The following AOX1 variants were observed in gnomAD, a reference collection of about 807,000 sequenced individuals.
AOX1 encodes aldehyde oxidase 1.
In AOX1, 153 loss-of-function variants were observed where a neutral mutation model predicts 169.5. The observed-to-expected ratio is 0.90, with a 90% CI of 0.79 to 1.03. The LOEUF (loss-of-function observed/expected upper bound fraction) is 1.03, where lower values mean the gene tolerates loss of function less well. Ranked by LOEUF, AOX1 falls within the 50% of genes least tolerant of loss-of-function variation. AOX1 has a pLI of 0.00. For missense variants in AOX1, 1,656 were observed against 1,663.9 expected (o/e 1.00, Z 0.08); for synonymous variants, 562 against 581.9 (o/e 0.97, Z 0.49).
At chr2:200,637,308 G>C (rs1212206916) in intron 22 of AOX1, among the ~76,000 whole-genome samples, 1 of 152,140 alleles carries the variant, frequency 6.6e-6, no homozygotes, top group Non-Finnish European at 1.5e-5. Context: ...TGAATGGGTG[G>C]GAGTTACTTG....
chr2:200,631,506 G>A (rs1230791887), intron 20 of AOX1, among the ~76,000 whole-genome samples: 2 of 152,048 alleles, frequency 1.3e-5, no homozygotes, highest in African/African-American at 2.4e-5. Flanking sequence ...GGACTTTAAG[G>A]GCCTCTTATT....
In AOX1 at chr2:200,595,556, A is replaced by G. The variant is rs887773581; in HGVS notation, c.200+188A>G. 9.2e-5 allele frequency among the ~76,000 whole-genome samples: 14 copies of G among 152,304 alleles called. No individual in the cohort carries two copies. In the East Asian group the frequency reaches 1.2e-3, roughly 13 times the overall value. On this transcript the variant is annotated intron_variant, in intron 3 of 34. Coordinates refer to ENST00000374700, the MANE Select transcript of AOX1 (RefSeq NM_001159.4). ...GTTTTGGGAAAAAAATGTAGCATCA[A>G]TGAGGATAACATACGGTCAAAGAAT...
rs775416254 is a variant in AOX1 at position 200,660,116 on chromosome 2, TG to T, written c.3375+50del. 8 of 1,491,002 alleles carry T rather than the reference TG, an allele frequency of 5.4e-6. No individual in the cohort carries two copies. The Admixed American group carries it at 1.4e-4, about 25-fold the overall frequency. 92.4% of individuals were successfully genotyped at this position (1,491,002 alleles called of 1,614,324 possible). ...TATTTTATTTTAGAAGAAAAAGGAG[TG>T]GGAGGAGAGCAAGAGCAATGTGCAT... On this transcript the variant is annotated intron_variant, in intron 29 of 34. Transcript: ENST00000374700.
chr2:200,603,670 A>G (rs771290716), intron 7 of AOX1, among the ~76,000 whole-genome samples: 2 of 152,220 alleles, frequency 1.3e-5, no homozygotes, highest in Non-Finnish European at 2.9e-5. Context: ...TGGAGATGTC[A>G]TGAAAATAAA....
intron 1 of AOX1, among the ~76,000 whole-genome samples, chr2:200,586,941 A>G (rs1354753195): frequency 6.6e-6 from 1 of 152,156 alleles, no homozygotes; most frequent in Non-Finnish European, 1.5e-5. Context: ...AGTTTCATTG[A>G]CATTACTCTG....
At chr2:200,682,098 T>G in the AOX1 span, among the ~76,000 whole-genome samples, 2 of 152,232 alleles carry the variant, frequency 1.3e-5, no homozygotes, top group Non-Finnish European at 2.9e-5. Flanking sequence ...TGTTTTGTCC[T>G]TTCAGAAACT....
downstream of AOX1, among the ~76,000 whole-genome samples, chr2:200,672,381 A>C (rs2105781186): frequency 6.6e-6 from 1 of 152,366 alleles, no homozygotes; most frequent in Admixed American, 6.5e-5. Context: ...TGTCCCAATC[A>C]ATGGCTTTCC....
In AOX1 at chr2:200,639,895, G is replaced by A. The variant is rs181189876; in HGVS notation, c.2569-1203G>A. Among the ~76,000 whole-genome samples, 846 of 152,092 alleles carry A rather than the reference G, an allele frequency of 5.6e-3. 10 individuals carry two copies. Among genetic ancestry groups the A allele is most frequent in the African/African-American group, 0.02 (818 of 41,468 alleles). On this transcript the variant is annotated intron_variant, in intron 23 of 34. Transcript: ENST00000374700. ...AATAAAAATACAAAAAAATTAGCCG[G>A]GCATGGTGGCAGGCACCTGTAATCC... is the stretch of plus-strand genomic sequence containing the variant.
downstream of AOX1, among the ~76,000 whole-genome samples, chr2:200,675,925 CT>C (rs1234869365): frequency 6.8e-6 from 1 of 146,836 alleles, no homozygotes; most frequent in African/African-American, 2.5e-5. Flanking sequence ...CTGCAATTAC[CT>C]TTGCACCAAC....
intron 33 of AOX1, 46 bp downstream of exon 33, chr2:200,668,849 G>C: frequency 6.5e-7 from 1 of 1,538,158 alleles, no homozygotes; most frequent in East Asian, 2.3e-5. Context: ...TATGATACCT[G>C]TTGGGTGACA....
chr2:200,608,399 T>G (rs1055086825), intron 10 of AOX1, among the ~76,000 whole-genome samples: 4 of 152,208 alleles, frequency 2.6e-5, no homozygotes, highest in African/African-American at 9.7e-5. Context: ...CGAGTTTATG[T>G]ATTCAACAGC....
At chr2:200,666,611 C>A in intron 31 of AOX1, 76 bp from the exon 32 acceptor site, 1 of 1,037,722 alleles carries the variant, frequency 9.6e-7, no homozygotes, top group Non-Finnish European at 1.4e-6. Flanking sequence ...GTCAGCCTGG[C>A]AGGAAGTGTT....
Position 200,661,594 on chromosome 2 carries a change from G to A in AOX1, c.3391G>A (p.Asp1131Asn), listed in dbSNP as rs753899012. Residue 1131 changes from aspartate to asparagine, a missense_variant, in exon 30 of 35, where the codon GAT becomes AAT. Physicochemically the swap from Asp to Asn is conservative, Grantham distance 23. Transcript: ENST00000374700. ...TWKDWAQTAF[D>N]ESINLSAVGY... Reference sequence around the variant, plus strand: ...TCCTTCACAGGCACAGACTGCTTTTGATGAAAGCATTAACCTTTCAGCTGT... The same window carrying A: ...TCCTTCACAGGCACAGACTGCTTTTAATGAAAGCATTAACCTTTCAGCTGT... 1.2e-6 allele frequency: 2 copies of A among 1,613,304 alleles called. No homozygotes were observed. Among genetic ancestry groups the A allele is most frequent in the Non-Finnish European group, 8.5e-7 (1 of 1,179,392 alleles).
At chr2:200,625,282 T>G (rs1365031312) in intron 19 of AOX1, among the ~76,000 whole-genome samples, 1 of 152,196 alleles carries the variant, frequency 6.6e-6, no homozygotes, top group African/African-American at 2.4e-5. Flanking sequence ...TTAGAATTAC[T>G]TATTAGAAAT....
chr2:200,659,096 C>T (rs2035753585), intron 27 of AOX1, 69 bp from the exon 28 acceptor site: 1 of 1,501,974 alleles, frequency 6.7e-7, no homozygotes, highest in East Asian at 2.3e-5. Flanking sequence ...CATGTGTTAC[C>T]ACGTGGGCAT....
Position 200,660,103 on chromosome 2 carries a change from G to A in AOX1, c.3375+34G>A, listed in dbSNP as rs199752720. 957 of 1,560,448 alleles carry A rather than the reference G, an allele frequency of 6.1e-4. 3 individuals are homozygous for A. The highest frequency in any genetic ancestry group is 5.6e-3 in the Middle Eastern group (33 of 5,936). ...CAATGGTTCTCTGTATTTTATTTTA[G>A]AAGAAAAAGGAGTGGGAGGAGAGCA... On this transcript the variant is annotated intron_variant, in intron 29 of 34. Coordinates refer to ENST00000374700, the MANE Select transcript of AOX1 (RefSeq NM_001159.4).
chr2:200,634,989 A>T (rs1394352379), intron 21 of AOX1, 74 bp downstream of exon 21: 1 of 1,563,454 alleles, frequency 6.4e-7, no homozygotes, highest in East Asian at 2.3e-5. Flanking sequence ...GAGCAATTAG[A>T]GGTAAAAGTA....
Position 200,608,991 on chromosome 2 carries a change from C to G in AOX1, c.915C>G (p.Thr305=). The part of the protein sequence containing the change: ...SVVNHAYNGL[T]LGAGLSLAQV... ...CAAATGACTTCATTTCAGGACTCAC[C>G]CTTGGTGCTGGTCTCAGCCTAGCCC... Residue 305 remains threonine, a synonymous_variant, in exon 11 of 35, where the codon ACC becomes ACG. Transcript: ENST00000374700. The G allele has an allele frequency of 6.2e-7, 1 of 1,613,344 alleles. No homozygotes were observed. The highest frequency in any genetic ancestry group is 8.5e-7 in the Non-Finnish European group (1 of 1,179,802).
chr2:200,659,285 G>A lies in AOX1; in HGVS notation c.3292G>A (p.Ala1098Thr), dbSNP rs2035763003. Reference protein sequence around the residue: ...GSVVADLNGLAVKDACQTLLK... With the variant: ...GSVVADLNGLTVKDACQTLLK... ...TGTGGTGGCAGATCTCAACGGTTTG[G>A]CAGTAAAGGTAACAGTCACTGCAGT... The change falls in exon 28 of 35, where the codon GCA (alanine) becomes ACA (threonine). Residue 1098 changes from alanine to threonine, a missense_variant. Ala to Thr is a moderately conservative substitution (Grantham distance 58). Transcript: ENST00000374700. 6 of 1,613,076 alleles carry A rather than the reference G, an allele frequency of 3.7e-6. No individual in the cohort carries two copies. The highest frequency in any genetic ancestry group is 1.1e-5 in the South Asian group (1 of 90,866).
Sources: allele counts gnomAD v4.1 joint callset (sites outside exome capture counted in the v4.1 genomes callset), GRCh38; gene constraint gnomAD v4.1.1; transcripts MANE v1.5; gene names NCBI Gene and HGNC (gene_info 2026-07-23, HGNC 2026-07-21).